WBP4: variants seen among roughly 807,000 people sequenced by gnomAD.
WBP4 encodes WW domain binding protein 4.
In WBP4, 37 loss-of-function variants were observed where a neutral mutation model predicts 55.4. That is an observed-to-expected ratio of 0.67 (90% CI 0.51 to 0.88). WBP4 has a LOEUF of 0.88. Among genes scored for constraint, WBP4 ranks in the 40% least tolerant of loss-of-function variants. The pLI is 0.00. For synonymous variants in WBP4, 142 were observed against 140.2 expected, an observed-to-expected ratio of 1.01 and a Z score of -0.09; for missense variants, 398 against 420.8, an observed-to-expected ratio of 0.95 and a Z score of 0.47.
intron 9 of WBP4, among the ~76,000 whole-genome samples, chr13:41,081,327 T>C (rs559971796): frequency 1.3e-5 from 2 of 150,544 alleles, no homozygotes; most frequent in Non-Finnish European, 3.0e-5. Flanking sequence ...GGCAAAACTT[T>C]CTCTCTACCA....
intron 1 of WBP4, chr13:41,062,318 C>T (rs780753740): frequency 2.1e-5 from 20 of 968,960 alleles, no homozygotes; most frequent in Non-Finnish European, 2.3e-5. Context: ...TTACAGCAAC[C>T]TCCCCCAAAG....
rs1252301972 is a variant in WBP4, at chr13:41,080,800, T to C, written c.911T>C (p.Val304Ala). ...GAATGGCAAGAAATTAAACAAGAGG[T>C]TGAGTCTCAGTAAGTACCTGGAGCT... ...YGEWQEIKQE[V>A]ESHEEVDLEL... Residue 304 changes from valine to alanine, a missense_variant, in exon 9 of 10, where the codon GTT becomes GCT. Transcript: ENST00000379487. 6.2e-7 allele frequency: 1 copy of C among 1,605,840 alleles called. No homozygotes were observed. Among genetic ancestry groups the C allele is most frequent in the Non-Finnish European group, 8.5e-7 (1 of 1,178,256 alleles).
At chr13:41,072,638 C>A in intron 6 of WBP4, 144 bp from the exon 7 acceptor site, 1 of 657,186 alleles carries the variant, frequency 1.5e-6, no homozygotes, top group African/African-American at 1.9e-5. Context: ...GATTACAAGT[C>A]TACATGAGAT....
In WBP4 at chr13:41,083,137, G is replaced by C; in HGVS notation, c.*223G>C. ...TGTAATACAGTGTATTATGTTCAGT[G>C]TCTAAAAACTGCTAATTAAGTCATA... On this transcript the variant is annotated 3_prime_UTR_variant, in exon 10 of 10. Coordinates refer to ENST00000379487, the MANE Select transcript of WBP4 (RefSeq NM_007187.5). 2.4e-6 allele frequency: 1 copy of C among 411,486 alleles called. No individual in the cohort carries two copies. Among genetic ancestry groups the C allele is most frequent in the South Asian group, 4.1e-5 (1 of 24,218 alleles). The allele number at this position is 411,486 out of a possible 1,614,324, so 25.5% of individuals were successfully genotyped here. A position where few individuals can be genotyped will look rare whatever the true frequency, so the allele number is the denominator to read the frequency against.
chr13:41,064,612 C>T (rs1877863112), intron 2 of WBP4, among the ~76,000 whole-genome samples: 1 of 152,078 alleles, frequency 6.6e-6, no homozygotes, highest in Admixed American at 6.5e-5. Flanking sequence ...TATGTCCCTC[C>T]TTGTGACAAA....
At chr13:41,067,845 G>A (rs1385062391) in intron 4 of WBP4, among the ~76,000 whole-genome samples, 1 of 150,966 alleles carries the variant, frequency 6.6e-6, no homozygotes, top group African/African-American at 2.4e-5. Flanking sequence ...TTTTATTTTT[G>A]TCATACAGAA....
intron 4 of WBP4, 86 bp from the exon 5 acceptor site, chr13:41,068,475 G>C: frequency 7.8e-7 from 1 of 1,281,964 alleles, no homozygotes; most frequent in Non-Finnish European, 1.0e-6. Context: ...TCAGGTTTTT[G>C]ATTGGAATAA....
chr13:41,062,905 T>G (rs1176274865), intron 2 of WBP4, among the ~76,000 whole-genome samples, 189 bp downstream of exon 2: 2 of 152,216 alleles, frequency 1.3e-5, no homozygotes, highest in Non-Finnish European at 2.9e-5. Flanking sequence ...TCAACCTGAC[T>G]TTGATTATAT....
chr13:41,071,288 C>T (rs573332239), intron 5 of WBP4, among the ~76,000 whole-genome samples: 1 of 152,328 alleles, frequency 6.6e-6, no homozygotes, highest in South Asian at 2.1e-4. Context: ...TCTAAAATTC[C>T]TGTGGAAGTT....
chr13:41,075,279 C>T (rs1878429885), intron 7 of WBP4, among the ~76,000 whole-genome samples: 1 of 152,132 alleles, frequency 6.6e-6, no homozygotes, highest in Non-Finnish European at 1.5e-5. Flanking sequence ...TTGAGATTCC[C>T]ATTGCTGCCC....
At chr13:41,072,289 A>G (rs1285078961) in intron 6 of WBP4, among the ~76,000 whole-genome samples, 2 of 152,124 alleles carry the variant, frequency 1.3e-5, no homozygotes, top group Non-Finnish European at 2.9e-5. Flanking sequence ...CAGTTCTTGC[A>G]TTGCTATAAA....
chr13:41,068,106 C>A (rs1269688615), intron 4 of WBP4, among the ~76,000 whole-genome samples: 1 of 151,886 alleles, frequency 6.6e-6, no homozygotes, highest in Non-Finnish European at 1.5e-5. Flanking sequence ...GCATATATTG[C>A]ATAGTGATGG....
chr13:41,063,223 A>G lies in WBP4; in HGVS notation c.75+507A>G, dbSNP rs149604091. Among the ~76,000 whole-genome samples the G allele has an allele frequency of 2.7e-4, 41 of 152,320 alleles. No individual in the cohort carries two copies. In the East Asian group the frequency reaches 7.5e-3, roughly 28 times the overall value. On this transcript the variant is annotated intron_variant, in intron 2 of 9. Coordinates refer to ENST00000379487, the MANE Select transcript of WBP4 (RefSeq NM_007187.5). ...GTTAGGTATGTTGTTAGTCTGTCTCATAGTTGAGATCCAGTTTTGAAGATG... is the reference window on the plus strand; with the variant it reads ...GTTAGGTATGTTGTTAGTCTGTCTCGTAGTTGAGATCCAGTTTTGAAGATG...
chr13:41,072,818 G>C lies in WBP4; in HGVS notation c.523G>C (p.Glu175Gln). The change falls in exon 7 of 10, where the codon GAA becomes CAA. Residue 175 changes from glutamate (E) to glutamine (Q), a missense_variant. Physicochemically the swap from Glu to Gln is conservative, Grantham distance 29. Transcript: ENST00000379487. ...VKTVWVEGLS[E>Q]DGFTYYYNTE... is the part of the protein sequence containing the mutation. ...GACCGTTTGGGTAGAAGGTTTAAGT[G>C]AAGATGGTTTTACCTATTACTATAA... 3 of 1,613,688 alleles carry C rather than the reference G, an allele frequency of 1.9e-6. No homozygotes were observed. The highest frequency in any genetic ancestry group is 2.5e-6 in the Non-Finnish European group (3 of 1,179,774).
At chr13:41,071,802 G>A (rs1227123602) in intron 6 of WBP4, among the ~76,000 whole-genome samples, 1 of 152,020 alleles carries the variant, frequency 6.6e-6, no homozygotes, top group Non-Finnish European at 1.5e-5. Flanking sequence ...CAGCACTTTG[G>A]GAGGCTGAGG....
At chr13:41,081,349 CT>C (rs1357156570) in intron 9 of WBP4, among the ~76,000 whole-genome samples, 1 of 150,664 alleles carries the variant, frequency 6.6e-6, no homozygotes, top group Non-Finnish European at 1.5e-5. Context: ...AAAAAAAAAA[CT>C]TAGCAGGGAA....
At position 41,082,963 on chromosome 13, in the gene WBP4, T is replaced by A; in HGVS notation, c.*49T>A. The A allele has an allele frequency of 1.3e-6, 2 of 1,549,400 alleles. No homozygotes were observed. Among genetic ancestry groups the A allele is most frequent in the Non-Finnish European group, 1.8e-6 (2 of 1,130,124 alleles). On this transcript the variant is annotated 3_prime_UTR_variant, in exon 10 of 10. Coordinates refer to ENST00000379487, the MANE Select transcript of WBP4 (RefSeq NM_007187.5). ...GCTTTTAGGACAGAATGGAGACTTA[T>A]ACACCCAAAGTTTATCTGTGTTTGT...
chr13:41,068,696 C>G lies in WBP4; in HGVS notation c.398C>G (p.Thr133Ser). 2 of 1,610,718 alleles carry G rather than the reference C, an allele frequency of 1.2e-6. No individual in the cohort carries two copies. The highest frequency in any genetic ancestry group is 1.7e-6 in the Non-Finnish European group (2 of 1,178,992). The change falls in exon 5 of 10, where the codon ACC (threonine) becomes AGC (serine). Residue 133 changes from threonine to serine, a missense_variant. Coordinates refer to ENST00000379487, the MANE Select transcript of WBP4 (RefSeq NM_007187.5). Reference protein sequence around the residue: ...PSKGRWVEGITSEGYHYYYDL... With the variant: ...PSKGRWVEGISSEGYHYYYDL... ...AAGGGCAGATGGGTAGAAGGCATAACCTCTGAGGGTTACCATTACTATTAT... is the reference window on the plus strand; with the variant it reads ...AAGGGCAGATGGGTAGAAGGCATAAGCTCTGAGGGTTACCATTACTATTAT...
At chr13:41,082,449 C>G (rs1878824293) in intron 9 of WBP4, among the ~76,000 whole-genome samples, 1 of 152,034 alleles carries the variant, frequency 6.6e-6, no homozygotes, top group Non-Finnish European at 1.5e-5. Flanking sequence ...TATATATAAG[C>G]CCAAGCATTT....
Sources: gnomAD v4.1 joint callset for allele counts (sites outside exome capture counted in the v4.1 genomes callset) on GRCh38, gnomAD v4.1.1 for gene constraint, MANE v1.5 for transcripts, NCBI Gene and HGNC (gene_info 2026-07-23, HGNC 2026-07-21) for gene names.